SOX6: variants seen among roughly 807,000 people sequenced by gnomAD.
The protein encoded by SOX6 is transcription factor SOX-6.
Under a neutral mutation model 97.8 loss-of-function variants are expected in SOX6, and 11 were observed. That is an observed-to-expected ratio of 0.11 (90% confidence interval 0.07 to 0.19). SOX6 has a LOEUF of 0.19. Among genes scored for constraint, SOX6 ranks in the 10% least tolerant of loss-of-function variants. SOX6 has a pLI of 1.00. For synonymous variants in SOX6, 360 were observed against 371.4 expected (o/e 0.97, Z 0.35); for missense variants, 810 against 1,039.5 (o/e 0.78, Z 3.04).
At chr11:16,561,904 T>A (rs1332155504) in intron 4 of SOX6, among the ~76,000 whole-genome samples, 3 of 151,658 alleles carry the variant, frequency 2.0e-5, no homozygotes, top group Non-Finnish European at 4.4e-5. Context: ...AATTTTTTTT[T>A]TTCATAGAGA....
chr11:16,313,437 T>C (rs1175087097), intron 3 of SOX6: 1 of 152,028 alleles, frequency 6.6e-6, no homozygotes, highest in Non-Finnish European at 1.5e-5. Context: ...CCTCAAACCA[T>C]GAAGTAGATG....
intron 10 of SOX6, among the ~76,000 whole-genome samples, chr11:16,050,167 T>C (rs972671523): frequency 1.3e-5 from 2 of 152,178 alleles, no homozygotes; most frequent in African/African-American, 2.4e-5. Context: ...ATCATTCTTT[T>C]TGCCAAATTA....
intron 4 of SOX6, among the ~76,000 whole-genome samples, chr11:16,507,834 T>C (rs1476092425): frequency 1.3e-5 from 2 of 152,148 alleles, no homozygotes; most frequent in African/African-American, 4.8e-5. Context: ...AAAGATTTTA[T>C]GGCTAAGACT....
intron 4 of SOX6, among the ~76,000 whole-genome samples, chr11:16,194,346 A>C (rs1851714452): frequency 6.6e-6 from 1 of 152,210 alleles, no homozygotes; most frequent in Non-Finnish European, 1.5e-5. Context: ...AAACAGCAGA[A>C]TACTGGAATT....
chr11:16,090,043 T>G (rs749260072), intron 9 of SOX6, among the ~76,000 whole-genome samples: 3 of 152,086 alleles, frequency 2.0e-5, no homozygotes, highest in African/African-American at 4.8e-5. Context: ...CAAAAATATT[T>G]TAAAACTTCA....
At position 16,682,004 on chromosome 11, in the gene SOX6, C is replaced by A. The variant is rs1044418086; in HGVS notation, n.429+32826G>T. Reference sequence around the variant, plus strand: ...CAACCAAAACAAGTCCAGGACCAGACAGATTCACAGCTGAATTCTACCTGA... The same window carrying A: ...CAACCAAAACAAGTCCAGGACCAGAAAGATTCACAGCTGAATTCTACCTGA... On this transcript the variant is annotated intron_variant and non_coding_transcript_variant, in intron 3 of 5. Coordinates refer to the SOX6 transcript ENST00000524520. Among the ~76,000 whole-genome samples, 36 of 152,290 alleles carry A rather than the reference C, an allele frequency of 2.4e-4. 1 individual carries two copies. Among genetic ancestry groups the A allele is most frequent in the African/African-American group, 8.7e-4 (36 of 41,576 alleles).
chr11:16,696,480 G>C (rs1220913423), intron 3 of SOX6, among the ~76,000 whole-genome samples: 2 of 152,126 alleles, frequency 1.3e-5, no homozygotes, highest in Non-Finnish European at 2.9e-5. Context: ...GATATTGCAA[G>C]TTTGGTTCCA....
At chr11:16,129,297 T>A (rs1445114161) in intron 6 of SOX6, among the ~76,000 whole-genome samples, 1 of 152,206 alleles carries the variant, frequency 6.6e-6, no homozygotes, top group Non-Finnish European at 1.5e-5. Context: ...AAATCTCACT[T>A]CTGGCAAAAT....
chr11:16,096,291 G>A (rs1354177424), intron 8 of SOX6, among the ~76,000 whole-genome samples, 173 bp from the exon 9 acceptor site: 4 of 151,832 alleles, frequency 2.6e-5, no homozygotes, highest in African/African-American at 9.7e-5. Context: ...GTATCAAACA[G>A]TGGCACTGAT....
chr11:15,990,580 A>G (rs1854019287), intron 13 of SOX6, among the ~76,000 whole-genome samples: 1 of 152,180 alleles, frequency 6.6e-6, no homozygotes, highest in South Asian at 2.1e-4. Context: ...GAATAAATAA[A>G]TGAATGAATG....
At chr11:16,711,070 T>C (rs979406381) in intron 3 of SOX6, among the ~76,000 whole-genome samples, 1 of 152,140 alleles carries the variant, frequency 6.6e-6, no homozygotes, top group Non-Finnish European at 1.5e-5. Context: ...TTGCTCTATA[T>C]CTCTTCAGCT....
intron 13 of SOX6, among the ~76,000 whole-genome samples, chr11:16,006,644 G>C (rs1854564160): frequency 6.6e-6 from 1 of 151,936 alleles, no homozygotes; most frequent in Non-Finnish European, 1.5e-5. Context: ...CAGAACCATT[G>C]CTGTCCACAA....
In SOX6 at chr11:16,506,126, A is replaced by G. The variant is rs556343200; in HGVS notation, n.610-29738T>C. Among the ~76,000 whole-genome samples the G allele has an allele frequency of 6.6e-5, 10 of 152,266 alleles. No individual in the cohort carries two copies. The South Asian group carries it at 2.1e-3, about 32-fold the overall frequency. ...CCCTAGAATGGTAGATCCACCAACAACTTGCATTGTGCACCTGGAAAAGCC... is the reference window on the plus strand; with the variant it reads ...CCCTAGAATGGTAGATCCACCAACAGCTTGCATTGTGCACCTGGAAAAGCC... On this transcript the variant is annotated intron_variant and non_coding_transcript_variant, in intron 4 of 5. Coordinates refer to the SOX6 transcript ENST00000524520.
At chr11:16,686,645 T>G (rs1182415675) in intron 3 of SOX6, among the ~76,000 whole-genome samples, 1 of 152,186 alleles carries the variant, frequency 6.6e-6, no homozygotes. Flanking sequence ...TCTAAGAAGT[T>G]ATAAACTTTC....
At chr11:16,415,621 G>A (rs945584277) in intron 1 of SOX6, among the ~76,000 whole-genome samples, 2 of 152,108 alleles carry the variant, frequency 1.3e-5, no homozygotes, top group Non-Finnish European at 2.9e-5. Flanking sequence ...TAATTACCCT[G>A]ATTTGATCAT....
chr11:16,018,912 T>C (rs954178709), intron 12 of SOX6, among the ~76,000 whole-genome samples: 3 of 152,130 alleles, frequency 2.0e-5, no homozygotes, highest in African/African-American at 4.8e-5. Flanking sequence ...ACATTCCATA[T>C]AGTCTGAAGA....
chr11:16,212,257 C>A (rs1309144302), intron 4 of SOX6, among the ~76,000 whole-genome samples: 1 of 152,126 alleles, frequency 6.6e-6, no homozygotes, highest in Non-Finnish European at 1.5e-5. Context: ...CCAGCAGTCT[C>A]CTGTGCCTCT....
chr11:16,053,748 A>G (rs1209391850), intron 10 of SOX6, among the ~76,000 whole-genome samples: 3 of 152,154 alleles, frequency 2.0e-5, no homozygotes, highest in African/African-American at 7.2e-5. Flanking sequence ...ACTTTCAGCA[A>G]ATGTTGCCTA....
At position 16,015,043 on chromosome 11, in the gene SOX6, G is replaced by T. The variant is rs376387633; in HGVS notation, c.1631C>A (p.Thr544Lys). Residue 544 changes from threonine to lysine, a missense_variant, in exon 13 of 16, where the codon ACG (threonine) becomes AAG (lysine). Transcript: ENST00000683767. ...LNSCRNEKER[T>K]RFENLGPQLT... ...CTGGGGCCCCAAATTCTCAAAGCGC[G>T]TTCTTTCCTAGAGGAACAAATAATC... is the stretch of plus-strand genomic sequence containing the variant. 13 of 1,612,316 alleles carry T rather than the reference G, an allele frequency of 8.1e-6. No individual in the cohort carries two copies. Among genetic ancestry groups the T allele is most frequent in the Middle Eastern group, 1.6e-4 (1 of 6,072 alleles).
Sources: allele counts gnomAD v4.1 joint callset (sites outside exome capture counted in the v4.1 genomes callset), GRCh38; gene constraint gnomAD v4.1.1; transcripts MANE v1.5; gene names NCBI Gene and HGNC (gene_info 2026-07-23, HGNC 2026-07-21).